The following STXBP4 variants were observed in gnomAD, a reference collection of about 807,000 sequenced individuals.
STXBP4 encodes the protein syntaxin binding protein 4.
In STXBP4, 55 loss-of-function variants were observed where a neutral mutation model predicts 76.1. That is an observed-to-expected ratio of 0.72 (90% confidence interval 0.58 to 0.91). STXBP4 has a LOEUF of 0.91. STXBP4 is among the 40% of genes least tolerant of loss of function. The pLI, the probability that STXBP4 is intolerant of heterozygous loss-of-function variation, is 0.00. For missense variants in STXBP4, 618 were observed against 636.9 expected (o/e 0.97, Z 0.32); for synonymous variants, 201 against 220.2 (o/e 0.91, Z 0.77).
Position 55,067,289 on chromosome 17 carries a change from C to T in STXBP4, c.1012-5611C>T, listed in dbSNP as rs184288670. ...AGAGTACTAAATATGTGATTAATTA[C>T]AGACGACAAATCTAAAAGATAAAAA... is the stretch of plus-strand genomic sequence containing the variant. On this transcript the variant is annotated intron_variant, in intron 12 of 17. Transcript: ENST00000376352. Among the ~76,000 whole-genome samples the T allele has an allele frequency of 9.2e-5, 14 of 152,054 alleles. 1 individual carries two copies. Among genetic ancestry groups the T allele is most frequent in the South Asian group, 2.1e-4 (1 of 4,820 alleles).
intron 16 of STXBP4, among the ~76,000 whole-genome samples, chr17:55,103,580 T>TTTTG (rs141151215): frequency 2.8e-3 from 169 of 59,558 alleles, no homozygotes; most frequent in Middle Eastern, 0.013. Context: ...TCCAGTTTTG[T>TTTTG]TTTTTTTTTG....
rs530505329 is a variant in STXBP4, at chr17:55,028,533, G to A, written c.667-2635G>A. 2.9e-4 allele frequency among the ~76,000 whole-genome samples: 44 copies of A among 152,208 alleles called. 1 individual carries two copies. Among genetic ancestry groups the A allele is most frequent in the Middle Eastern group, 6.8e-3 (2 of 294 alleles). On this transcript the variant is annotated intron_variant, in intron 8 of 17. Coordinates refer to ENST00000376352, the MANE Select transcript of STXBP4 (RefSeq NM_178509.6). ...ATATGGCAATTGTCTTCAGAGCAGTGGTTCTCAAGGGCAGGGCTGCAGTTT... is the reference window on the plus strand; with the variant it reads ...ATATGGCAATTGTCTTCAGAGCAGTAGTTCTCAAGGGCAGGGCTGCAGTTT...
At chr17:55,212,245 GTT>G in the STXBP4 span, among the ~76,000 whole-genome samples, 1 of 90,082 alleles carries the variant, frequency 1.1e-5, no homozygotes, top group African/African-American at 4.6e-5. Flanking sequence ...CCTAGCTTCA[GTT>G]TTCTTCCCTG....
At chr17:55,098,608 G>A (rs2079524425) in intron 16 of STXBP4, among the ~76,000 whole-genome samples, 1 of 152,166 alleles carries the variant, frequency 6.6e-6, no homozygotes, top group Non-Finnish European at 1.5e-5. Flanking sequence ...CCTGAGGCAG[G>A]AGTGTGCCTG....
At chr17:55,033,337 GC>G (rs2078542743) in intron 9 of STXBP4, among the ~76,000 whole-genome samples, 1 of 152,014 alleles carries the variant, frequency 6.6e-6, no homozygotes, top group Non-Finnish European at 1.5e-5. Flanking sequence ...TCGTGCCACT[GC>G]ACTCCAGCCT....
downstream of STXBP4, among the ~76,000 whole-genome samples, chr17:55,175,839 C>T (rs1386332263): frequency 6.6e-6 from 1 of 152,200 alleles, no homozygotes; most frequent in Non-Finnish European, 1.5e-5. Context: ...TTGTCTCTCC[C>T]ATCCTCCCTT....
At chr17:55,068,210 G>A (rs1471657867) in intron 12 of STXBP4, among the ~76,000 whole-genome samples, 1 of 152,072 alleles carries the variant, frequency 6.6e-6, no homozygotes, top group Non-Finnish European at 1.5e-5. Context: ...ACCAAGAAGG[G>A]CTTTCCAAAG....
At chr17:55,205,793 G>A in the STXBP4 span, among the ~76,000 whole-genome samples, 545 of 151,534 alleles carry the variant, frequency 3.6e-3, 5 homozygotes, top group African/African-American at 0.013. Context: ...AAGACAAACT[G>A]GTACAAATCT....
chr17:55,144,005 G>GCACACACA (rs61300425), intron 17 of STXBP4, among the ~76,000 whole-genome samples: 14 of 138,938 alleles, frequency 1.0e-4, no homozygotes, highest in South Asian at 2.4e-4. Flanking sequence ...AAAGCCACCT[G>GCACACACA]CACACACACA....
intron 16 of STXBP4, among the ~76,000 whole-genome samples, chr17:55,084,901 C>T (rs1471898414): frequency 2.6e-5 from 4 of 152,140 alleles, no homozygotes; most frequent in Admixed American, 2.0e-4. Context: ...TATAAAGACA[C>T]ATGCACATGT....
chr17:55,040,115 G>A (rs1247864906), intron 10 of STXBP4, among the ~76,000 whole-genome samples: 1 of 152,040 alleles, frequency 6.6e-6, no homozygotes. Context: ...TGTGCAGAAG[G>A]GTAGGTGAGA....
At chr17:55,090,174 CTT>C (rs1432306912) in intron 16 of STXBP4, among the ~76,000 whole-genome samples, 1 of 151,908 alleles carries the variant, frequency 6.6e-6, no homozygotes, top group Non-Finnish European at 1.5e-5. Flanking sequence ...TCTTTTCACT[CTT>C]TTTTATCTTA....
intron 12 of STXBP4, among the ~76,000 whole-genome samples, chr17:55,070,737 C>G (rs933298503): frequency 6.6e-6 from 1 of 152,018 alleles, no homozygotes; most frequent in African/African-American, 2.4e-5. Context: ...TCCATTACTC[C>G]CCTATAGCAA....
At chr17:55,105,084 C>T (rs540667249) in intron 16 of STXBP4, among the ~76,000 whole-genome samples, 2 of 152,162 alleles carry the variant, frequency 1.3e-5, no homozygotes, top group Admixed American at 6.5e-5. Flanking sequence ...CTCCTGGATT[C>T]GTTGATTTTT....
chr17:55,068,265 G>A (rs2079077306), intron 12 of STXBP4, among the ~76,000 whole-genome samples: 1 of 152,096 alleles, frequency 6.6e-6, no homozygotes, highest in Admixed American at 6.6e-5. Flanking sequence ...TTAGGGCTTG[G>A]TAGCATAGGT....
chr17:55,103,469 G>C lies in STXBP4; in HGVS notation c.1489+22286G>C, dbSNP rs781763550. Among the ~76,000 whole-genome samples the C allele has an allele frequency of 5.3e-5, 8 of 151,920 alleles. 1 individual carries two copies. The South Asian group carries it at 1.7e-3, about 32-fold the overall frequency. On this transcript the variant is annotated intron_variant, in intron 16 of 17. Transcript: ENST00000376352. ...GTATAGCATTATTTTTGAGACCTCT[G>C]TTCTGTTCCATTGGTCTATATATCT...
At chr17:55,080,523 T>G (rs1298101070) in intron 15 of STXBP4, among the ~76,000 whole-genome samples, 1 of 152,122 alleles carries the variant, frequency 6.6e-6, no homozygotes, top group Non-Finnish European at 1.5e-5. Flanking sequence ...TGCATTCATT[T>G]TAGGTGACAT....
intron 16 of STXBP4, among the ~76,000 whole-genome samples, chr17:55,100,148 C>T (rs12453615): frequency 0.36 from 54,820 of 152,046 alleles, 10,751 homozygotes; most frequent in East Asian, 0.54. Flanking sequence ...TACTGAAGCA[C>T]TGCAACTATT....
At position 55,159,785 on chromosome 17, in the gene STXBP4, G is replaced by A; in HGVS notation, c.1548-12G>A. 1 of 1,555,342 alleles carries A rather than the reference G, an allele frequency of 6.4e-7. No homozygotes were observed. Among genetic ancestry groups the A allele is most frequent in the East Asian group, 2.3e-5 (1 of 44,408 alleles). ...TCTTTCAGATTCTAATTGCATTCTT[G>A]TTCTTCTCAAGTCATGTAACACAGA... is the stretch of plus-strand genomic sequence containing the variant. On this transcript the variant is annotated splice_polypyrimidine_tract_variant and intron_variant, in intron 17 of 17. Coordinates refer to ENST00000376352, the MANE Select transcript of STXBP4 (RefSeq NM_178509.6).
Sources: allele counts gnomAD v4.1 joint callset (sites outside exome capture counted in the v4.1 genomes callset), GRCh38; gene constraint gnomAD v4.1.1; transcripts MANE v1.5; gene names NCBI Gene and HGNC (gene_info 2026-07-23, HGNC 2026-07-21).